Variants in CRYZL1 observed in about 807,000 individuals in gnomAD.
The protein encoded by CRYZL1 is ferry endosomal RAB5 effector complex subunit 4.
CRYZL1 carries 34 observed loss-of-function variants against 50.6 expected under a neutral mutation model. That is an observed-to-expected ratio of 0.67 (90% CI 0.51 to 0.89). The LOEUF is 0.89. Among genes scored for constraint, CRYZL1 ranks in the 40% least tolerant of loss-of-function variants. The pLI is 0.00. For synonymous variants in CRYZL1, 125 were observed against 134.3 expected (o/e 0.93, Z 0.48); for missense variants, 354 against 402.3 (o/e 0.88, Z 1.03).
intron 6 of CRYZL1, among the ~76,000 whole-genome samples, chr21:33,609,016 C>G (rs561546201): frequency 6.6e-6 from 1 of 152,276 alleles, no homozygotes; most frequent in East Asian, 1.9e-4. Flanking sequence ...CAATACTTAC[C>G]TTTCATCTTT....
chr21:33,598,728 G>A (rs190453776), intron 9 of CRYZL1, among the ~76,000 whole-genome samples: 223 of 151,798 alleles, frequency 1.5e-3, no homozygotes, highest in Middle Eastern at 3.5e-3. Context: ...TGTCCAACTC[G>A]CAGCCTGCCC....
chr21:33,595,960 T>TA (rs1221506584), intron 10 of CRYZL1, 124 bp from the exon 11 acceptor site: 1 of 675,192 alleles, frequency 1.5e-6, no homozygotes, highest in Non-Finnish European at 2.7e-6. Context: ...AATATGCACA[T>TA]AAACTTTAAT....
chr21:33,597,987 T>G (rs535145860), intron 9 of CRYZL1, among the ~76,000 whole-genome samples: 1 of 152,344 alleles, frequency 6.6e-6, no homozygotes, highest in African/African-American at 2.4e-5. Flanking sequence ...TTCTGATACC[T>G]TAAAATCTAC....
chr21:33,612,713 G>T (rs2086886044), intron 6 of CRYZL1, among the ~76,000 whole-genome samples: 1 of 150,544 alleles, frequency 6.6e-6, no homozygotes, highest in South Asian at 2.1e-4. Context: ...TTCATGAAGT[G>T]TGTGTGTGTG....
chr21:33,616,724 G>C lies in CRYZL1; in HGVS notation c.244C>G (p.Pro82Ala), dbSNP rs2086937906. 1 of 1,608,688 alleles carries C rather than the reference G, an allele frequency of 6.2e-7. No homozygotes were observed. The highest frequency in any genetic ancestry group is 1.3e-5 in the African/African-American group (1 of 74,838). Residue 82 changes from proline (P) to alanine (A), a missense_variant, in exon 5 of 13, where the codon CCA (proline) becomes GCA (alanine). Physicochemically the swap from Pro to Ala is conservative, Grantham distance 27. Transcript: ENST00000381554. ...AACTTACCAACTACTTCATCATCTGGTTGAAAGAATGATACCTTGCTTCCA... is the reference window on the plus strand; with the variant it reads ...AACTTACCAACTACTTCATCATCTGCTTGAAAGAATGATACCTTGCTTCCA... ...DVGSKVSFFQ[P>A]DDEVVGILPL...
intron 6 of CRYZL1, among the ~76,000 whole-genome samples, chr21:33,612,287 A>ATTT (rs890783134): frequency 7.2e-6 from 1 of 138,768 alleles, no homozygotes. Context: ...TGGGATGGTC[A>ATTT]TTTTTTTTTT....
intron 1 of CRYZL1, among the ~76,000 whole-genome samples, chr21:33,641,020 C>A (rs768499471): frequency 7.9e-5 from 12 of 152,134 alleles, no homozygotes; most frequent in East Asian, 1.9e-4. Flanking sequence ...AATGTAGCTA[C>A]CCCAAAATTA....
intron 8 of CRYZL1, among the ~76,000 whole-genome samples, chr21:33,600,056 CA>C (rs1350387227): frequency 6.6e-6 from 1 of 152,074 alleles, no homozygotes; most frequent in East Asian, 1.9e-4. Context: ...CACCGTAAGT[CA>C]AAAATGCACT....
chr21:33,592,218 C>G (rs1205954360), intron 11 of CRYZL1, among the ~76,000 whole-genome samples: 2 of 150,876 alleles, frequency 1.3e-5, no homozygotes, highest in African/African-American at 4.9e-5. Flanking sequence ...TCATGGCTCA[C>G]TGCAGCCTCA....
intron 1 of CRYZL1, among the ~76,000 whole-genome samples, chr21:33,632,684 ACTT>A (rs2087156038): frequency 6.6e-6 from 1 of 152,130 alleles, no homozygotes; most frequent in South Asian, 2.1e-4. Context: ...GGCTCTGTGA[ACTT>A]CTTGAGGTAT....
At chr21:33,610,732 T>G (rs905450783) in intron 6 of CRYZL1, among the ~76,000 whole-genome samples, 19 of 142,826 alleles carry the variant, frequency 1.3e-4, no homozygotes, top group Non-Finnish European at 2.8e-4. Flanking sequence ...TGGTTGTTTT[T>G]TTTTTTTTTT....
intron 4 of CRYZL1, among the ~76,000 whole-genome samples, chr21:33,618,768 C>T (rs1274749849): frequency 1.3e-5 from 2 of 152,180 alleles, no homozygotes; most frequent in African/African-American, 2.4e-5. Flanking sequence ...TTTTATCTTT[C>T]CCTTCTACTG....
At chr21:33,621,885 A>G in intron 4 of CRYZL1, 111 bp downstream of exon 4, 1 of 645,502 alleles carries the variant, frequency 1.5e-6, no homozygotes, top group Non-Finnish European at 2.6e-6. Flanking sequence ...ATATAATTAA[A>G]TTTAAATTTG....
chr21:33,630,299 T>C (rs1036871535), intron 2 of CRYZL1, among the ~76,000 whole-genome samples: 2 of 152,112 alleles, frequency 1.3e-5, no homozygotes, highest in Admixed American at 6.5e-5. Flanking sequence ...AAAATAGAAC[T>C]ACCAGGCTGG....
rs552739995 is a variant in CRYZL1, at chr21:33,604,919, A to T, written c.332-1382T>A. Reference sequence around the variant, plus strand: ...ATCTGTTCCTTAACTACACCTTTCCAAAGTAATTGCATCAATTTACTTTCC... The same window carrying T: ...ATCTGTTCCTTAACTACACCTTTCCTAAGTAATTGCATCAATTTACTTTCC... On this transcript the variant is annotated intron_variant, in intron 6 of 12. Coordinates refer to ENST00000381554, the MANE Select transcript of CRYZL1 (RefSeq NM_145858.3). Among the ~76,000 whole-genome samples, 10 of 152,288 alleles carry T rather than the reference A, an allele frequency of 6.6e-5. No individual in the cohort carries two copies. In the East Asian group the frequency reaches 1.9e-3, roughly 29 times the overall value.
chr21:33,597,023 C>A (rs2086701372), intron 10 of CRYZL1, among the ~76,000 whole-genome samples: 1 of 151,974 alleles, frequency 6.6e-6, no homozygotes, highest in Non-Finnish European at 1.5e-5. Flanking sequence ...GCCTGTGCCA[C>A]CATGCCTGGC....
intron 1 of CRYZL1, chr21:33,641,139 G>A: frequency 6.5e-7 from 1 of 1,548,896 alleles, no homozygotes; most frequent in Non-Finnish European, 8.7e-7. Context: ...AAACGCAGAT[G>A]TTCGGCCCCG....
chr21:33,638,306 G>A (rs1388778153), intron 1 of CRYZL1, among the ~76,000 whole-genome samples: 1 of 148,914 alleles, frequency 6.7e-6, no homozygotes, highest in African/African-American at 2.5e-5. Flanking sequence ...TCCGCCTCCC[G>A]GCTTCAAGTG....
intron 6 of CRYZL1, among the ~76,000 whole-genome samples, chr21:33,606,121 A>G (rs546227072): frequency 6.6e-6 from 1 of 152,292 alleles, no homozygotes; most frequent in East Asian, 1.9e-4. Flanking sequence ...CTATTCTCCC[A>G]ATTTTACGGA....
Sources: allele counts gnomAD v4.1 joint callset (sites outside exome capture counted in the v4.1 genomes callset), GRCh38; gene constraint gnomAD v4.1.1; transcripts MANE v1.5; gene names NCBI Gene and HGNC (gene_info 2026-07-23, HGNC 2026-07-21).